RTN4R: variants seen among roughly 807,000 people sequenced by gnomAD.
RTN4R encodes reticulon-4 receptor.
Under a neutral mutation model 27.7 loss-of-function variants are expected in RTN4R, and 4 were observed. The observed-to-expected ratio is 0.14, with a 90% CI of 0.07 to 0.33. The LOEUF (loss-of-function observed/expected upper bound fraction) is 0.33. Ranked by LOEUF, RTN4R falls within the 10% of genes least tolerant of loss-of-function variation. The pLI is 1.00. For missense variants in RTN4R, 554 were observed against 671.5 expected (o/e 0.83, Z 1.93); for synonymous variants, 290 against 305.6 (o/e 0.95, Z 0.53).
At chr22:20,243,607 G>T in intron 1 of RTN4R, 1 of 433,550 alleles carries the variant, frequency 2.3e-6, no homozygotes, top group Non-Finnish European at 4.8e-6. Flanking sequence ...GAGGGCGGGG[G>T]TGGAGGGCAA....
chr22:20,250,895 G>A (rs967413687), intron 1 of RTN4R, among the ~76,000 whole-genome samples: 12 of 152,158 alleles, frequency 7.9e-5, no homozygotes, highest in Non-Finnish European at 1.6e-4. Flanking sequence ...AGAACAAAAT[G>A]GTTGTAAGGA....
intron 1 of RTN4R, among the ~76,000 whole-genome samples, chr22:20,261,488 C>T (rs999089041): frequency 6.6e-6 from 1 of 152,204 alleles, no homozygotes; most frequent in African/African-American, 2.4e-5. Context: ...CACTCACCAC[C>T]GCTCCAGCTT....
At chr22:20,261,816 G>A (rs1323888322) in intron 1 of RTN4R, among the ~76,000 whole-genome samples, 1 of 152,368 alleles carries the variant, frequency 6.6e-6, no homozygotes, top group Admixed American at 6.5e-5. Flanking sequence ...GCAGACACAG[G>A]TGCCAGGCAC....
chr22:20,243,137 C>T (rs1313371561), intron 1 of RTN4R, 27 bp from the exon 2 acceptor site: 1 of 1,594,120 alleles, frequency 6.3e-7, no homozygotes, highest in Non-Finnish European at 8.5e-7. Context: ...GAGTGGTTAG[C>T]AGGAAGGGCA....
rs1354966265 is a variant in RTN4R, at chr22:20,241,577, G to A, written c.*134C>T. ...TGGGGTGGAGATGGGGGTGGCGGGC[G>A]GCAGGCGTCCATCAGGGAGGACCTG... On this transcript the variant is annotated 3_prime_UTR_variant, in exon 2 of 2. Transcript: ENST00000043402. The A allele has an allele frequency of 1.5e-5, 14 of 925,704 alleles. No individual in the cohort carries two copies. The highest frequency in any genetic ancestry group is 3.3e-5 in the African/African-American group (2 of 60,758). 57.3% of individuals were successfully genotyped at this position (925,704 alleles called of 1,614,324 possible).
chr22:20,261,125 G>T (rs1334661025), intron 1 of RTN4R, among the ~76,000 whole-genome samples: 1 of 152,292 alleles, frequency 6.6e-6, no homozygotes, highest in East Asian at 1.9e-4. Flanking sequence ...TACCCACCAG[G>T]GTTCAGCAGA....
intron 1 of RTN4R, chr22:20,267,581 G>GC (rs1569044169): frequency 2.1e-6 from 1 of 468,218 alleles, no homozygotes; most frequent in Admixed American, 2.4e-5. Flanking sequence ...TGCCGCCAAC[G>GC]CCCCCATTCA....
intron 1 of RTN4R, among the ~76,000 whole-genome samples, chr22:20,254,442 C>A (rs2051201190): frequency 6.7e-6 from 1 of 149,086 alleles, no homozygotes; most frequent in Admixed American, 6.8e-5. Flanking sequence ...AAACACACAA[C>A]AAAGAAGATG....
At chr22:20,243,211 A>C in intron 1 of RTN4R, 101 bp from the exon 2 acceptor site, 1 of 1,233,290 alleles carries the variant, frequency 8.1e-7, no homozygotes, top group Non-Finnish European at 1.1e-6. Context: ...GGGTCTCAGG[A>C]GGACCTGGGG....
intron 1 of RTN4R, among the ~76,000 whole-genome samples, chr22:20,254,031 C>T (rs2051199044): frequency 6.6e-6 from 1 of 152,016 alleles, no homozygotes; most frequent in Admixed American, 6.5e-5. Flanking sequence ...AGAAAACTTC[C>T]CAAAGCTGAG....
chr22:20,255,835 G>C lies in RTN4R; in HGVS notation c.22+12236C>G, dbSNP rs1403195359. Among the ~76,000 whole-genome samples, 2 of 152,218 alleles carry C rather than the reference G, an allele frequency of 1.3e-5. No homozygotes were observed. The highest frequency in any genetic ancestry group is 2.9e-5 in the Non-Finnish European group (2 of 68,044). Reference sequence around the variant, plus strand: ...CACTGGGGTGGGTGTGCAGCCCCCAGCCTCCTTTCTGACCGTGCACACGGG... The same window carrying C: ...CACTGGGGTGGGTGTGCAGCCCCCACCCTCCTTTCTGACCGTGCACACGGG... On this transcript the variant is annotated intron_variant, in intron 1 of 1. Transcript: ENST00000043402. The surrounding 1 kb of genome is among the most constrained non-coding windows in gnomAD (Gnocchi z 4.8).
chr22:20,248,746 GC>G (rs1318293203), intron 1 of RTN4R, among the ~76,000 whole-genome samples: 2 of 152,204 alleles, frequency 1.3e-5, no homozygotes, highest in African/African-American at 4.8e-5. Flanking sequence ...GCCTGAGCCA[GC>G]CCCAGGCAGC....
chr22:20,246,973 C>T (rs543949820), intron 1 of RTN4R, among the ~76,000 whole-genome samples: 16 of 152,226 alleles, frequency 1.1e-4, no homozygotes, highest in Admixed American at 2.6e-4. Flanking sequence ...GGTGGAGAGG[C>T]GGCCAAGGGA....
chr22:20,252,530 C>A (rs1049305046), intron 1 of RTN4R, among the ~76,000 whole-genome samples: 18 of 152,168 alleles, frequency 1.2e-4, no homozygotes, highest in Admixed American at 3.9e-4. Flanking sequence ...GAGGCAAGTG[C>A]CTTGCTGGCC....
chr22:20,267,372 C>A (rs2145988555), intron 1 of RTN4R, among the ~76,000 whole-genome samples: 1 of 152,330 alleles, frequency 6.6e-6, no homozygotes, highest in Non-Finnish European at 1.5e-5. Flanking sequence ...TTGCCCGCAC[C>A]GCGGGACCTC....
rs568559193 is a variant in RTN4R, at chr22:20,249,246, C to T, written c.23-6136G>A. ...AAGTGACCGGTGGCCGGCCTGCTCC[C>T]ACCCTGGGGACGCACTCTGAGCCAG... On this transcript the variant is annotated intron_variant, in intron 1 of 1. Transcript: ENST00000043402. 2.1e-5 allele frequency: 11 copies of T among 530,812 alleles called. No individual in the cohort carries two copies. In the East Asian group the frequency reaches 6.0e-4, roughly 29 times the overall value. The allele number at this position is 530,812 out of a possible 1,614,324, so 32.9% of individuals were successfully genotyped here.
intron 1 of RTN4R, among the ~76,000 whole-genome samples, chr22:20,263,185 G>A (rs1326071087): frequency 6.6e-6 from 1 of 152,226 alleles, no homozygotes; most frequent in Non-Finnish European, 1.5e-5. Flanking sequence ...TGGGCGCCCC[G>A]TGGGTGCGGG....
At chr22:20,256,426 G>C (rs1043675850) in intron 1 of RTN4R, among the ~76,000 whole-genome samples, 4 of 152,150 alleles carry the variant, frequency 2.6e-5, no homozygotes, top group Admixed American at 1.3e-4. Flanking sequence ...TGGCCTGCCC[G>C]GGCCACCCCA....
intron 1 of RTN4R, among the ~76,000 whole-genome samples, chr22:20,259,764 C>T (rs2051234027): frequency 6.6e-6 from 1 of 152,198 alleles, no homozygotes; most frequent in Non-Finnish European, 1.5e-5. Context: ...ATGTGGGAGG[C>T]TCAGAGTCCT....
Sources: allele counts gnomAD v4.1 joint callset (sites outside exome capture counted in the v4.1 genomes callset), GRCh38; gene constraint gnomAD v4.1.1; non-coding constraint Gnocchi (gnomAD v3.1); transcripts MANE v1.5; gene names NCBI Gene and HGNC (gene_info 2026-07-23, HGNC 2026-07-21).